Variants in ST18 observed in about 807,000 individuals in gnomAD.
ST18 encodes the protein suppression of tumorigenicity 18 protein.
Under a neutral mutation model 110.0 loss-of-function variants are expected in ST18, and 50 were observed. The observed-to-expected ratio is 0.45, with a 90% CI of 0.36 to 0.58. ST18 has a LOEUF of 0.58. Ranked by LOEUF, ST18 falls within the 20% of genes least tolerant of loss-of-function variation. The probability of loss-of-function intolerance (pLI) is 0.00; values close to 1 mark genes in which losing one functional copy is unlikely to be tolerated. For synonymous variants in ST18, 461 were observed against 452.4 expected (o/e 1.02, Z -0.24); for missense variants, 1,306 against 1,280.1 (o/e 1.02, Z -0.31).
At chr8:52,131,508 G>A (rs1235696305) in intron 22 of ST18, among the ~76,000 whole-genome samples, 1 of 152,154 alleles carries the variant, frequency 6.6e-6, no homozygotes, top group Non-Finnish European at 1.5e-5. Flanking sequence ...CTGCGGATGA[G>A]TCACATCCTC....
chr8:52,349,429 G>A (rs1435428284), intron 2 of ST18, among the ~76,000 whole-genome samples: 1 of 152,138 alleles, frequency 6.6e-6, no homozygotes, highest in African/African-American at 2.4e-5. Flanking sequence ...TTACTCTGAC[G>A]TTCTGTTAAT....
At chr8:52,305,893 GA>G (rs1472751928) in intron 2 of ST18, among the ~76,000 whole-genome samples, 3 of 152,198 alleles carry the variant, frequency 2.0e-5, no homozygotes, top group Non-Finnish European at 4.4e-5. Context: ...AACTAAGCCA[GA>G]ATGCTCTTTT....
intron 9 of ST18, among the ~76,000 whole-genome samples, chr8:52,177,177 CT>C (rs1349535802): frequency 6.6e-6 from 1 of 152,192 alleles, no homozygotes; most frequent in African/African-American, 2.4e-5. Flanking sequence ...CTCTTCCTCC[CT>C]TCTGGTAGTA....
At chr8:52,401,565 C>G (rs1352139878) in intron 2 of ST18, among the ~76,000 whole-genome samples, 1 of 151,758 alleles carries the variant, frequency 6.6e-6, no homozygotes, top group Non-Finnish European at 1.5e-5. Context: ...TTCAGAGATT[C>G]TTTCTTCTGC....
chr8:52,276,368 G>T (rs1037405704), intron 2 of ST18, among the ~76,000 whole-genome samples: 1 of 140,788 alleles, frequency 7.1e-6, no homozygotes, highest in East Asian at 2.2e-4. Flanking sequence ...ACACACACAC[G>T]CCACATACTA....
At chr8:52,232,839 C>G (rs1017909738) in intron 2 of ST18, among the ~76,000 whole-genome samples, 1 of 151,720 alleles carries the variant, frequency 6.6e-6, no homozygotes, top group African/African-American at 2.4e-5. Flanking sequence ...AACAGCAAGT[C>G]ATTTACCAAG....
At position 52,329,881 on chromosome 8, in the gene ST18, T is replaced by G. The variant is rs185974366; in HGVS notation, c.-465+79447A>C. On this transcript the variant is annotated intron_variant, in intron 2 of 25. Coordinates refer to ENST00000689386, the MANE Select transcript of ST18 (RefSeq NM_001352837.2). The stretch of plus-strand genomic sequence containing the variant: ...GGTTGCAAAATATCACTACCTCCCC[T>G]TCTCTGTATCCAAAAGGATCAGCCA... Among the ~76,000 whole-genome samples, 74 of 152,350 alleles carry G rather than the reference T, an allele frequency of 4.9e-4. 1 individual carries two copies. The highest frequency in any genetic ancestry group is 3.4e-3 in the Middle Eastern group (1 of 294).
intron 2 of ST18, among the ~76,000 whole-genome samples, chr8:52,252,113 A>G (rs1050341726): frequency 2.4e-4 from 36 of 152,092 alleles, no homozygotes; most frequent in African/African-American, 8.0e-4. Context: ...TTTAATAGCT[A>G]TAAATTTTGT....
In ST18 at chr8:52,371,853, C is replaced by T. The variant is rs956604586; in HGVS notation, c.-465+37475G>A. On this transcript the variant is annotated intron_variant, in intron 2 of 25. Transcript: ENST00000689386. The stretch of plus-strand genomic sequence containing the variant: ...TGGAGTAAGCAACCCTACTGCACTG[C>T]CAGTCTATAAAGGTCTAGCACATAC... Among the ~76,000 whole-genome samples the T allele has an allele frequency of 2.0e-5, 3 of 152,202 alleles. No individual in the cohort carries two copies. In the Middle Eastern group the frequency reaches 0.01, roughly 518 times the overall value.
At chr8:52,226,357 C>CA (rs1395974506) in intron 3 of ST18, among the ~76,000 whole-genome samples, 1 of 151,996 alleles carries the variant, frequency 6.6e-6, no homozygotes, top group Non-Finnish European at 1.5e-5. Flanking sequence ...ATACTATGAG[C>CA]AAAAAACGCA....
chr8:52,273,146 A>T (rs577541272), intron 2 of ST18, among the ~76,000 whole-genome samples: 96 of 152,340 alleles, frequency 6.3e-4, no homozygotes, highest in Non-Finnish European at 1.2e-3. Flanking sequence ...GCCCATCTGA[A>T]TTACTAACAT....
intron 11 of ST18, among the ~76,000 whole-genome samples, 183 bp from the exon 12 acceptor site, chr8:52,165,408 T>G (rs1038394980): frequency 6.6e-6 from 1 of 152,222 alleles, no homozygotes; most frequent in Non-Finnish European, 1.5e-5. Context: ...TCCAGCAAGC[T>G]TGATCAAGTT....
At chr8:52,218,862 C>T (rs778193728) in intron 5 of ST18, among the ~76,000 whole-genome samples, 63 of 148,816 alleles carry the variant, frequency 4.2e-4, no homozygotes, top group Non-Finnish European at 7.6e-4. Flanking sequence ...GTCCTGGGGA[C>T]TCACAGCAAT....
At chr8:52,211,397 T>C (rs1313298014) in intron 8 of ST18, among the ~76,000 whole-genome samples, 1 of 147,116 alleles carries the variant, frequency 6.8e-6, no homozygotes, top group Non-Finnish European at 1.5e-5. Flanking sequence ...ATTATTATTA[T>C]TATTATTATT....
chr8:52,151,686 T>C lies in ST18; in HGVS notation c.1807-1709A>G, dbSNP rs140187235. 2.8e-3 allele frequency among the ~76,000 whole-genome samples: 420 copies of C among 152,326 alleles called. 1 individual carries two copies. Among genetic ancestry groups the C allele is most frequent in the Non-Finnish European group, 4.6e-3 (316 of 68,024 alleles). ...ACAATTTTTGGCTTCGTAGCTGATA[T>C]GTAAATAGCAATGAAACAGAGCTAT... On this transcript the variant is annotated intron_variant, in intron 15 of 25. Transcript: ENST00000689386.
chr8:52,113,959 T>TTTTG (rs2041466234), intron 25 of ST18, among the ~76,000 whole-genome samples: 2 of 44,700 alleles, frequency 4.5e-5, no homozygotes, highest in Non-Finnish European at 7.5e-5. Context: ...ACCGTGTTTT[T>TTTTG]TTTTTTTTTT....
intron 8 of ST18, among the ~76,000 whole-genome samples, chr8:52,184,169 C>G (rs1227064561): frequency 1.3e-5 from 2 of 152,168 alleles, no homozygotes; most frequent in African/African-American, 4.8e-5. Context: ...GTTGTGTTTT[C>G]CCATCTGCGG....
intron 2 of ST18, among the ~76,000 whole-genome samples, chr8:52,377,758 C>T (rs923100661): frequency 1.3e-5 from 2 of 151,986 alleles, no homozygotes; most frequent in Non-Finnish European, 2.9e-5. Context: ...GGATGTATAC[C>T]CAAGAGAAAG....
chr8:52,324,342 GATAA>G (rs1015602693), intron 2 of ST18, among the ~76,000 whole-genome samples: 16 of 151,282 alleles, frequency 1.1e-4, no homozygotes, highest in African/African-American at 3.9e-4. Context: ...TGGATGGATG[GATAA>G]ATGGATGAAT....
Sources: gnomAD v4.1 joint callset for allele counts (sites outside exome capture counted in the v4.1 genomes callset) on GRCh38, gnomAD v4.1.1 for gene constraint, MANE v1.5 for transcripts, NCBI Gene and HGNC (gene_info 2026-07-23, HGNC 2026-07-21) for gene names.